The following NLRC5 variants were observed in gnomAD, a reference collection of about 807,000 sequenced individuals.
NLRC5 encodes protein NLRC5.
NLRC5 carries 114 observed loss-of-function variants against 206.9 expected under a neutral mutation model. The observed-to-expected ratio is 0.55, with a 90% CI of 0.47 to 0.64. The LOEUF (loss-of-function observed/expected upper bound fraction) is 0.64, where lower values mean the gene tolerates loss of function less well. Among genes scored for constraint, NLRC5 ranks in the 30% least tolerant of loss-of-function variants. NLRC5 has a pLI of 0.00. For synonymous variants in NLRC5, 952 were observed against 962.8 expected, an observed-to-expected ratio of 0.99 and a Z score of 0.21; for missense variants, 2,008 against 2,305.5, an observed-to-expected ratio of 0.87 and a Z score of 2.64.
At position 57,069,914 on chromosome 16, in the gene NLRC5, G is replaced by T; in HGVS notation, c.4578G>T (p.Glu1526Asp). Reference protein sequence around the residue: ...SGLGHCHHLEELDLSNNQFDE... With the variant: ...SGLGHCHHLEDLDLSNNQFDE... The stretch of plus-strand genomic sequence containing the variant: ...TGGGCCACTGCCACCACTTGGAGGA[G>T]CTGGAGTGAGTTGCAGAGTGGAGGG... The change falls in exon 37 of 49, where the codon GAG becomes GAT. Residue 1526 changes from glutamate to aspartate, a missense_variant. Coordinates refer to ENST00000688547, the MANE Select transcript of NLRC5 (RefSeq NM_001384950.1). 1 of 1,575,060 alleles carries T rather than the reference G, an allele frequency of 6.3e-7. No individual in the cohort carries two copies. Among genetic ancestry groups the T allele is most frequent in the Non-Finnish European group, 8.6e-7 (1 of 1,160,832 alleles).
At chr16:57,042,135 C>G in intron 19 of NLRC5, 70 bp downstream of exon 19, 2 of 991,288 alleles carry the variant, frequency 2.0e-6, no homozygotes, top group Non-Finnish European at 2.9e-6. Context: ...CCATCCCCCT[C>G]TTTCCTGGGG....
At chr16:57,048,930 C>G (rs1334648243) in intron 23 of NLRC5, among the ~76,000 whole-genome samples, 1 of 152,112 alleles carries the variant, frequency 6.6e-6, no homozygotes, top group African/African-American at 2.4e-5. Context: ...ATACTGATGC[C>G]TTTTAATACT....
intron 20 of NLRC5, 47 bp from the exon 21 acceptor site, chr16:57,045,401 G>A: frequency 6.2e-7 from 1 of 1,609,814 alleles, no homozygotes; most frequent in Non-Finnish European, 8.5e-7. Context: ...TGCCAGGGAA[G>A]TTGGTCTTTG....
chr16:57,000,164 C>T (rs1385416494), intron 1 of NLRC5, among the ~76,000 whole-genome samples: 1 of 152,176 alleles, frequency 6.6e-6, no homozygotes, highest in Non-Finnish European at 1.5e-5. Context: ...GCTAGCCACC[C>T]ACCCCTTCCT....
chr16:57,002,636 T>G lies in NLRC5; in HGVS notation c.-128+13019T>G, dbSNP rs540732670. On this transcript the variant is annotated intron_variant, in intron 1 of 48. Coordinates refer to ENST00000688547, the MANE Select transcript of NLRC5 (RefSeq NM_001384950.1). ...TATGGTAGCTCTAAATTTAGTTTAG[T>G]TTTTTTTTGTTTTTTTTTTTTTTTT... Among the ~76,000 whole-genome samples, 5 of 98,246 alleles carry G rather than the reference T, an allele frequency of 5.1e-5. No individual in the cohort carries two copies. In the East Asian group the frequency reaches 1.0e-3, roughly 20 times the overall value. 64.5% of individuals were successfully genotyped at this position (98,246 alleles called of 152,430 possible). A position where few individuals can be genotyped will look rare whatever the true frequency, so the allele number is the denominator to read the frequency against.
chr16:57,037,326 TC>T (rs2062725928), intron 15 of NLRC5, 42 bp downstream of exon 15: 1 of 1,432,570 alleles, frequency 7.0e-7, no homozygotes, highest in Non-Finnish European at 9.6e-7. Flanking sequence ...CCCCCCCCCA[TC>T]ATGCTCTCTC....
In NLRC5 at chr16:57,042,052, C is replaced by T. The variant is rs373402337; in HGVS notation, c.3100C>T (p.Leu1034=). The T allele has an allele frequency of 6.4e-7, 1 of 1,561,014 alleles. No homozygotes were observed. The highest frequency in any genetic ancestry group is 1.4e-5 in the African/African-American group (1 of 72,128). ...LAQLLPGLGA[L]QSLNLSENGL... is the part of the protein sequence containing the mutation. ...TCAGCTGCTCCCAGGGCTGGGAGCT[C>T]TGCAGTCCTTGAAGTGAGTAGCCCG... is the stretch of plus-strand genomic sequence containing the variant. Residue 1034 remains leucine (L), a synonymous_variant, in exon 19 of 49, where the codon CTG becomes TTG. Coordinates refer to ENST00000688547, the MANE Select transcript of NLRC5 (RefSeq NM_001384950.1).
intron 15 of NLRC5, among the ~76,000 whole-genome samples, chr16:57,038,384 A>G (rs764677268): frequency 6.6e-6 from 1 of 152,100 alleles, no homozygotes; most frequent in Non-Finnish European, 1.5e-5. Flanking sequence ...TAGTCTCCCA[A>G]AGTGCTGGGA....
In NLRC5 at chr16:57,028,133, A is replaced by G. The variant is rs150321998; in HGVS notation, c.2137A>G (p.Met713Val). Residue 713 changes from methionine to valine, a missense_variant, in exon 7 of 49, where the codon ATG (methionine) becomes GTG (valine). Transcript: ENST00000688547. The part of the protein sequence containing the change: ...AEALSRSLPT[M>V]GRLQMLGLAG... The stretch of plus-strand genomic sequence containing the variant: ...AGCCCTCTCCAGGAGCTTGCCGACA[A>G]TGGGGAGGCTGCAGATGCTGGGGTG... The G allele has an allele frequency of 3.1e-6, 5 of 1,613,338 alleles. No individual in the cohort carries two copies. Among genetic ancestry groups the G allele is most frequent in the Non-Finnish European group, 4.2e-6 (5 of 1,179,650 alleles).
intron 6 of NLRC5, 97 bp from the exon 7 acceptor site, chr16:57,027,975 A>G (rs1414326208): frequency 8.5e-6 from 6 of 702,374 alleles, no homozygotes; most frequent in African/African-American, 1.8e-5. Context: ...ATTTGTTAGT[A>G]CTACTGTATT....
chr16:57,080,789 A>C (rs2145161729), intron 46 of NLRC5: 1 of 292,380 alleles, frequency 3.4e-6, no homozygotes, highest in East Asian at 7.1e-5. Flanking sequence ...TTAAAGTAAG[A>C]AAAAAGAGGG....
intron 23 of NLRC5, among the ~76,000 whole-genome samples, chr16:57,049,379 A>G (rs528971610): frequency 6.8e-4 from 103 of 152,322 alleles, no homozygotes; most frequent in Non-Finnish European, 1.2e-3. Context: ...CTGGGAACAC[A>G]AGGAGACTGG....
At position 57,046,609 on chromosome 16, in the gene NLRC5, G is replaced by A; in HGVS notation, c.3306G>A (p.Gly1102=). 1 of 1,614,062 alleles carries A rather than the reference G, an allele frequency of 6.2e-7. No individual in the cohort carries two copies. Among genetic ancestry groups the A allele is most frequent in the Non-Finnish European group, 8.5e-7 (1 of 1,179,970 alleles). Residue 1102 remains glycine (G), a synonymous_variant, in exon 22 of 49, where the codon GGG becomes GGA. Transcript: ENST00000688547. ...PDFPAAAKFL[G]FRQRCIPRSL... ...TCCCAGCTGCAGCCAAGTTCTTAGG[G>A]TTCCGTCAGCGCTGCATCCCCAGGA...
intron 1 of NLRC5, chr16:57,013,700 T>C (rs1016726126): frequency 8.3e-5 from 66 of 792,954 alleles, no homozygotes; most frequent in Non-Finnish European, 1.8e-5. Flanking sequence ...ACCTGGAATA[T>C]GCTCCTTTGG....
chr16:57,079,622 G>A lies in NLRC5; in HGVS notation c.5314G>A (p.Val1772Ile), dbSNP rs770542344. The A allele has an allele frequency of 6.2e-7, 1 of 1,613,844 alleles. No homozygotes were observed. Among genetic ancestry groups the A allele is most frequent in the East Asian group, 2.2e-5 (1 of 44,874 alleles). The change falls in exon 46 of 49, where the codon GTA becomes ATA. Residue 1772 changes from valine (V) to isoleucine (I), a missense_variant. Physicochemically the swap from Val to Ile is conservative, Grantham distance 29. Transcript: ENST00000688547. ...SSFTSCPALE[V>I]ILLSWNLLGD... ...CTTCACGAGCTGCCCTGCCCTGGAA[G>A]TAATCTTGTGAGTGATTGGAAGAGC...
intron 17 of NLRC5, among the ~76,000 whole-genome samples, 162 bp downstream of exon 17, chr16:57,040,880 C>T (rs1466973037): frequency 6.6e-6 from 1 of 152,140 alleles, no homozygotes; most frequent in African/African-American, 2.4e-5. Context: ...TCCTACCTCC[C>T]CTGCCCAGCC....
intron 1 of NLRC5, among the ~76,000 whole-genome samples, chr16:56,993,905 A>G (rs2057275322): frequency 6.6e-6 from 1 of 150,756 alleles, no homozygotes; most frequent in East Asian, 2.0e-4. Flanking sequence ...TCATTGTTAG[A>G]TATTTATATT....
At chr16:57,064,236 AT>A (rs1597415465) in intron 32 of NLRC5, among the ~76,000 whole-genome samples, 1 of 152,184 alleles carries the variant, frequency 6.6e-6, no homozygotes, top group East Asian at 1.9e-4. Flanking sequence ...ATATTTAATC[AT>A]TGTTGAAATG....
At chr16:57,078,472 T>G (rs1193195915) in intron 43 of NLRC5, among the ~76,000 whole-genome samples, 5 of 143,784 alleles carry the variant, frequency 3.5e-5, no homozygotes, top group African/African-American at 1.1e-4. Flanking sequence ...CCTTGTTTTT[T>G]TTTTTTTTTT....
Sources: gnomAD v4.1 joint callset for allele counts (sites outside exome capture counted in the v4.1 genomes callset) on GRCh38, gnomAD v4.1.1 for gene constraint, MANE v1.5 for transcripts, NCBI Gene and HGNC (gene_info 2026-07-23, HGNC 2026-07-21) for gene names.